The following PCNX3 variants were observed in gnomAD, a reference collection of about 807,000 sequenced individuals.
PCNX3 encodes the protein pecanex 3.
Under a neutral mutation model 207.2 loss-of-function variants are expected in PCNX3, and 58 were observed. That is an observed-to-expected ratio of 0.28 (90% CI 0.23 to 0.35). The LOEUF is 0.35. Among genes scored for constraint, PCNX3 ranks in the 10% least tolerant of loss-of-function variants. The pLI is 1.00. For missense variants in PCNX3, 2,410 were observed against 2,774.4 expected (o/e 0.87, Z 2.95); for synonymous variants, 1,337 against 1,183.5 (o/e 1.13, Z -2.66).
In PCNX3 at chr11:65,622,355, T is replaced by C. The variant is rs1396168806; in HGVS notation, c.2346T>C (p.Ala782=). 3 of 1,592,630 alleles carry C rather than the reference T, an allele frequency of 1.9e-6. No individual in the cohort carries two copies. Among genetic ancestry groups the C allele is most frequent in the South Asian group, 1.1e-5 (1 of 87,482 alleles). Residue 782 remains alanine (A), a synonymous_variant, in exon 11 of 35, where the codon GCT becomes GCC. Coordinates refer to ENST00000355703, the MANE Select transcript of PCNX3 (RefSeq NM_032223.4). ...SVRYERLALL[A]LLDRTRGVLE... ...GCTATGAGCGGCTTGCCCTGCTGGC[T>C]CTGCTGGACCGGTGAGTGTCCCGCA... is the stretch of plus-strand genomic sequence containing the variant.
Position 65,617,344 on chromosome 11 carries a change from G to A in PCNX3, c.436G>A (p.Val146Ile), listed in dbSNP as rs987468801. The A allele has an allele frequency of 2.5e-6, 4 of 1,613,238 alleles. No individual in the cohort carries two copies. Among genetic ancestry groups the A allele is most frequent in the Admixed American group, 1.7e-5 (1 of 59,904 alleles). Reference protein sequence around the residue: ...SQHSVFGFNQVSELLPRMEDS... With the variant: ...SQHSVFGFNQISELLPRMEDS... ...GCACTCTGTGTTTGGCTTCAACCAG[G>A]TCTCGGTGAGTGGGCCTGGACCTCA... The change falls in exon 3 of 35, where the codon GTC becomes ATC. Residue 146 changes from valine (V) to isoleucine (I), a missense_variant. Physicochemically the swap from Val to Ile is conservative, Grantham distance 29 (BLOSUM62 3). Around this residue, in one of 8 missense-constraint regions of PCNX3, gnomAD observed 1,104 missense variants for 970.3 expected, o/e 1.14. Transcript: ENST00000355703.
chr11:65,624,104 C>T (rs1565161148), intron 13 of PCNX3, 91 bp from the exon 14 acceptor site: 2 of 1,566,102 alleles, frequency 1.3e-6, no homozygotes, highest in South Asian at 1.1e-5. Flanking sequence ...CAGCTTGGAC[C>T]CAGGGCCAGG....
At position 65,635,890 on chromosome 11, in the gene PCNX3, T is replaced by C; in HGVS notation, c.5459+87T>C. On this transcript the variant is annotated intron_variant, in intron 32 of 34. Transcript: ENST00000355703. This position sits in a 1 kb window ranked among gnomAD's most constrained non-coding sequence, Gnocchi z 9.9. ...CCTGGGTCTCAGAGGGAGGACGTGC[T>C]GGAGCCAGGGCTTGAATCCCGAGAG... 1 of 1,470,516 alleles carries C rather than the reference T, an allele frequency of 6.8e-7. No individual in the cohort carries two copies. The allele number at this position is 1,470,516 out of a possible 1,614,324, so 91.1% of individuals were successfully genotyped here.
Position 65,619,943 on chromosome 11 carries a change from C to T in PCNX3, c.2008+11C>T, listed in dbSNP as rs1275960018. 3 of 1,590,370 alleles carry T rather than the reference C, an allele frequency of 1.9e-6. No homozygotes were observed. Among genetic ancestry groups the T allele is most frequent in the Admixed American group, 3.4e-5 (2 of 58,990 alleles). On this transcript the variant is annotated intron_variant, in intron 8 of 34. Transcript: ENST00000355703. Reference sequence around the variant, plus strand: ...TCTACGATGAGAGCGGTGAGCCTTTCCCAAGCCCGGTGGCCCAGTGCCTCC... The same window carrying T: ...TCTACGATGAGAGCGGTGAGCCTTTTCCAAGCCCGGTGGCCCAGTGCCTCC...
Position 65,622,377 on chromosome 11 carries a change from C to A in PCNX3, c.2357+11C>A, listed in dbSNP as rs750387966. 4 of 1,587,776 alleles carry A rather than the reference C, an allele frequency of 2.5e-6. No individual in the cohort carries two copies. The highest frequency in any genetic ancestry group is 3.4e-6 in the Non-Finnish European group (4 of 1,169,960). ...GGCTCTGCTGGACCGGTGAGTGTCC[C>A]GCAGCCTTGGCCCCCAATTCTTGGA... is the stretch of plus-strand genomic sequence containing the variant. On this transcript the variant is annotated intron_variant, in intron 11 of 34. Coordinates refer to ENST00000355703, the MANE Select transcript of PCNX3 (RefSeq NM_032223.4).
Position 65,629,434 on chromosome 11 carries a change from A to C in PCNX3, c.4000+19A>C, listed in dbSNP as rs1250241918. On this transcript the variant is annotated intron_variant, in intron 25 of 34. Transcript: ENST00000355703. ...AACCCTGGTGTGTACCCAGCCATCCAAGGGGCTTTAGGGCAGGGCCTCCCT... is the reference window on the plus strand; with the variant it reads ...AACCCTGGTGTGTACCCAGCCATCCCAGGGGCTTTAGGGCAGGGCCTCCCT... 13 of 1,611,684 alleles carry C rather than the reference A, an allele frequency of 8.1e-6. No individual in the cohort carries two copies. Among genetic ancestry groups the C allele is most frequent in the Non-Finnish European group, 1.1e-5 (13 of 1,178,914 alleles).
rs376186192 is a variant in PCNX3, at chr11:65,625,463, C to A, written c.3088C>A (p.Arg1030=). Residue 1030 remains arginine, a synonymous_variant, in exon 18 of 35, where the codon CGG becomes AGG. Transcript: ENST00000355703. This position sits in a 1 kb window ranked among gnomAD's most constrained non-coding sequence, Gnocchi z 5.6. ...GGAGGAGCGCAGCTTGGAGACAGCC[C>A]GGGCCGAGCCCCCGGACCCCTTGCC... ...ELEERSLETA[R]AEPPDPLPDK... 6.2e-6 allele frequency: 10 copies of A among 1,604,442 alleles called. No homozygotes were observed. The highest frequency in any genetic ancestry group is 2.7e-5 in the African/African-American group (2 of 74,506).
intron 27 of PCNX3, among the ~76,000 whole-genome samples, chr11:65,632,723 C>T (rs1288116314): frequency 1.3e-5 from 2 of 149,160 alleles, no homozygotes; most frequent in African/African-American, 2.5e-5. Flanking sequence ...GCCAGCTCCT[C>T]TCCCGGTCCC....
Position 65,618,642 on chromosome 11 carries a change from G to A in PCNX3, c.1280G>A (p.Gly427Asp). The change falls in exon 6 of 35, where the codon GGC (glycine) becomes GAC (aspartate). Residue 427 changes from glycine (G) to aspartate (D), a missense_variant. By Grantham distance (94) the Gly-to-Asp change is moderately conservative. This residue lies in a region of PCNX3 where 1,104 missense variants were observed against 970.3 expected (regional missense o/e 1.14). Coordinates refer to ENST00000355703, the MANE Select transcript of PCNX3 (RefSeq NM_032223.4). ...TTTGAGGATGAAGACACTAGTGAGG[G>A]CAGTGAACTGAGCCCGGCCTCCAGT... ...GFFEDEDTSEGSELSPASSLR... is the reference protein window; with the variant it reads ...GFFEDEDTSEDSELSPASSLR... 6.2e-7 allele frequency: 1 copy of A among 1,613,054 alleles called. No individual in the cohort carries two copies. The highest frequency in any genetic ancestry group is 1.1e-5 in the South Asian group (1 of 91,082).
rs374085432 is a variant in PCNX3 at position 65,622,338 on chromosome 11, C to A, written c.2329C>A (p.Arg777=). 26 of 1,594,276 alleles carry A rather than the reference C, an allele frequency of 1.6e-5. No individual in the cohort carries two copies. The highest frequency in any genetic ancestry group is 2.7e-5 in the African/African-American group (2 of 74,410). Residue 777 remains arginine, a synonymous_variant, in exon 11 of 35, where the codon CGG becomes AGG. Coordinates refer to ENST00000355703, the MANE Select transcript of PCNX3 (RefSeq NM_032223.4). ...CCGCTGGACCTCTGTGCGCTATGAG[C>A]GGCTTGCCCTGCTGGCTCTGCTGGA... ...PGRWTSVRYE[R]LALLALLDRT...
rs1453564518 is a variant in PCNX3, at chr11:65,618,784, T to G, written c.1422T>G (p.Ala474=). 1 of 1,611,582 alleles carries G rather than the reference T, an allele frequency of 6.2e-7. No homozygotes were observed. Among genetic ancestry groups the G allele is most frequent in the African/African-American group, 1.3e-5 (1 of 75,022 alleles). ...GPRKRRAPHG[A]EEGTAVPPKR... The stretch of plus-strand genomic sequence containing the variant: ...GGAAGCGGAGGGCCCCCCATGGGGC[T>G]GAGGAGGGAACTGCTGTGCCCCCCA... The change falls in exon 6 of 35, where the codon GCT becomes GCG. Residue 474 remains alanine, a synonymous_variant. Transcript: ENST00000355703.
intron 1 of PCNX3, 96 bp from the exon 2 acceptor site, chr11:65,616,728 T>C (rs1476644494): frequency 1.5e-6 from 2 of 1,376,482 alleles, no homozygotes; most frequent in Non-Finnish European, 2.0e-6. Flanking sequence ...GAAATTTTCT[T>C]GTGAGTCTGT....
chr11:65,623,731 C>A, intron 12 of PCNX3, 87 bp downstream of exon 12: 1 of 1,551,660 alleles, frequency 6.4e-7, no homozygotes, highest in Non-Finnish European at 8.7e-7. Flanking sequence ...GGAGTATAAG[C>A]TGAAAGGTAG....
chr11:65,616,203 T>G lies in PCNX3; in HGVS notation c.-109T>G, dbSNP rs568442309. On this transcript the variant is annotated 5_prime_UTR_variant, in exon 1 of 35. The change abolishes the stop of an existing upstream ORF in the 5' untranslated region. Transcript: ENST00000355703. ...TCCCCCGCTGGGGGAGGCCATGGCG[T>G]GAGCGTGAGGCCGGGCCCCGGGGCC... The G allele has an allele frequency of 2.8e-5, 25 of 884,038 alleles. No individual in the cohort carries two copies. In the African/African-American group the frequency reaches 4.1e-4, roughly 15 times the overall value. The allele number at this position is 884,038 out of a possible 1,614,324, so 54.8% of individuals were successfully genotyped here. A position where few individuals can be genotyped will look rare whatever the true frequency, so the allele number is the denominator to read the frequency against.
intron 6 of PCNX3, among the ~76,000 whole-genome samples, 152 bp downstream of exon 6, chr11:65,619,219 C>T (rs1191836712): frequency 6.6e-6 from 1 of 152,136 alleles, no homozygotes; most frequent in Non-Finnish European, 1.5e-5. Context: ...TTGACATTGT[C>T]TGCCAAACCT....
In PCNX3 at chr11:65,635,322, A is replaced by G; in HGVS notation, c.5058A>G (p.Ala1686=). Residue 1686 remains alanine, a synonymous_variant, in exon 31 of 35, where the codon GCA becomes GCG. Coordinates refer to ENST00000355703, the MANE Select transcript of PCNX3 (RefSeq NM_032223.4). This position sits in a 1 kb window ranked among gnomAD's most constrained non-coding sequence, Gnocchi z 9.9. The part of the protein sequence containing the change: ...RLVISHEGDP[A]WRSAILSNTP... ...TCATCTCACATGAGGGTGACCCAGC[A>G]TGGCGCAGCGCCATCCTCAGCAACA... 2 of 1,603,174 alleles carry G rather than the reference A, an allele frequency of 1.2e-6. No individual in the cohort carries two copies. The highest frequency in any genetic ancestry group is 2.7e-5 in the African/African-American group (2 of 74,728).
chr11:65,636,144 C>T, intron 32 of PCNX3, 30 bp from the exon 33 acceptor site: 1 of 1,584,174 alleles, frequency 6.3e-7, no homozygotes, highest in Non-Finnish European at 8.6e-7. Flanking sequence ...CGTGTCCCTC[C>T]TGATCCCTTT....
rs370431994 is a variant in PCNX3, at chr11:65,618,363, G to A, written c.1001G>A (p.Gly334Asp). The stretch of plus-strand genomic sequence containing the variant: ...CCCCCAGGGGGGCCAGCCCCTGAGG[G>A]CAGCGACACAGACCCACCCTCTGAG... Reference protein sequence around the residue: ...DSPPGGPAPEGSDTDPPSEAE... With the variant: ...DSPPGGPAPEDSDTDPPSEAE... Residue 334 changes from glycine (G) to aspartate (D), a missense_variant, in exon 6 of 35, where the codon GGC becomes GAC. This residue lies in a region of PCNX3 where 1,104 missense variants were observed against 970.3 expected (regional missense o/e 1.14). Coordinates refer to ENST00000355703, the MANE Select transcript of PCNX3 (RefSeq NM_032223.4). The A allele has an allele frequency of 6.2e-7, 1 of 1,612,594 alleles. No individual in the cohort carries two copies. Among genetic ancestry groups the A allele is most frequent in the Non-Finnish European group, 8.5e-7 (1 of 1,179,734 alleles).
In PCNX3 at chr11:65,625,245, C is replaced by T; in HGVS notation, c.2994C>T (p.His998=). The stretch of plus-strand genomic sequence containing the variant: ...GCCTCCTGGTGGCACTGTCCTACCA[C>T]CTGAGCCGGCAGAGCAGCGACCCCA... ...FCGLLVALSY[H]LSRQSSDPTV... The change falls in exon 17 of 35, where the codon CAC becomes CAT. Residue 998 remains histidine, a synonymous_variant. Transcript: ENST00000355703. The surrounding 1 kb of genome is among the most constrained non-coding windows in gnomAD (Gnocchi z 5.6). 6.2e-7 allele frequency: 1 copy of T among 1,611,110 alleles called. No homozygotes were observed. The highest frequency in any genetic ancestry group is 8.5e-7 in the Non-Finnish European group (1 of 1,179,600).
Sources: gnomAD v4.1 joint callset for allele counts (sites outside exome capture counted in the v4.1 genomes callset) on GRCh38, gnomAD v4.1.1 for gene constraint, gnomAD v4.1.1 regional missense constraint, Gnocchi (gnomAD v3.1) non-coding constraint, MANE v1.5 for transcripts, NCBI Gene and HGNC (gene_info 2026-07-23, HGNC 2026-07-21) for gene names.